Variants in SRRM2 observed in about 807,000 individuals in gnomAD.
SRRM2 encodes serine/arginine repetitive matrix 2.
A neutral mutation model predicts 213.8 loss-of-function variants in SRRM2; 30 were observed. The ratio of observed to expected loss-of-function variants is 0.14; its 90% CI spans 0.10 to 0.19. The LOEUF (loss-of-function observed/expected upper bound fraction) is 0.19. SRRM2 is among the 10% of genes least tolerant of loss of function. The probability of loss-of-function intolerance (pLI) is 1.00; values close to 1 mark genes in which losing one functional copy is unlikely to be tolerated. For missense variants in SRRM2, 4,904 were observed against 3,647.0 expected (o/e 1.34, Z -8.88); for synonymous variants, 2,025 against 1,377.7 (o/e 1.47, Z -10.40).
In SRRM2 at chr16:2,767,768, C is replaced by T. The variant is rs1473373437; in HGVS notation, c.7240C>T (p.Pro2414Ser). 1 of 1,613,806 alleles carries T rather than the reference C, an allele frequency of 6.2e-7. No individual in the cohort carries two copies. The highest frequency in any genetic ancestry group is 1.7e-5 in the Admixed American group (1 of 59,974). Residue 2414 changes from proline (P) to serine (S), a missense_variant, in exon 11 of 15, where the codon CCA becomes TCA. By Grantham distance (74) the Pro-to-Ser change is moderately conservative. Coordinates refer to ENST00000301740, the MANE Select transcript of SRRM2 (RefSeq NM_016333.4). Reference sequence around the variant, plus strand: ...TAGGTCCAGAACACCACCGTCTGCCCCAAGCCAATCTAGGATGACCTCTGA... The same window carrying T: ...TAGGTCCAGAACACCACCGTCTGCCTCAAGCCAATCTAGGATGACCTCTGA... The part of the protein sequence containing the change: ...RARSRTPPSA[P>S]SQSRMTSERA...
chr16:2,763,766 C>A lies in SRRM2; in HGVS notation c.3238C>A (p.His1080Asn). 6.2e-7 allele frequency: 1 copy of A among 1,614,166 alleles called. No homozygotes were observed. The highest frequency in any genetic ancestry group is 1.1e-5 in the South Asian group (1 of 91,056). Reference sequence around the variant, plus strand: ...TTCAAGTCCAGAAGTGAGACAGAGTCATTCAGAATCACCATCTCTGCAGAG... The same window carrying A: ...TTCAAGTCCAGAAGTGAGACAGAGTAATTCAGAATCACCATCTCTGCAGAG... ...DTSSPEVRQS[H>N]SESPSLQSKS... The change falls in exon 11 of 15, where the codon CAT becomes AAT. Residue 1080 changes from histidine (H) to asparagine (N), a missense_variant. Coordinates refer to ENST00000301740, the MANE Select transcript of SRRM2 (RefSeq NM_016333.4).
In SRRM2 at chr16:2,766,243, A is replaced by G. The variant is rs1405450617; in HGVS notation, c.5715A>G (p.Ser1905=). The G allele has an allele frequency of 1.9e-6, 3 of 1,614,058 alleles. No homozygotes were observed. Among genetic ancestry groups the G allele is most frequent in the African/African-American group, 1.3e-5 (1 of 74,918 alleles). The change falls in exon 11 of 15, where the codon TCA becomes TCG. Residue 1905 remains serine (S), a synonymous_variant. Transcript: ENST00000301740. This position sits in a 1 kb window ranked among gnomAD's most constrained non-coding sequence, Gnocchi z 7.0. ...VSRRRSRSRT[S]VTRRRSRSRA... is the part of the protein sequence containing the mutation. Reference sequence around the variant, plus strand: ...GGAGACGGTCAAGGTCCAGGACTTCAGTGACTCGACGAAGATCCCGGTCAA... The same window carrying G: ...GGAGACGGTCAAGGTCCAGGACTTCGGTGACTCGACGAAGATCCCGGTCAA...
rs1455404504 is a variant in SRRM2 at position 2,770,618 on chromosome 16, G to A, written c.8150G>A (p.Arg2717Gln). The change falls in exon 14 of 15, where the codon CGG becomes CAG. Residue 2717 changes from arginine to glutamine, a missense_variant. By Grantham distance (43) the Arg-to-Gln change is conservative. Transcript: ENST00000301740. ...PRDQQSSSSE[R>Q]GSRRGQRGDS... ...CTGTGTTGCAGCAGCAGCAGTGAGC[G>A]GGGTTCCCGGAGAGGCCAGCGTGGG... 36 of 1,552,798 alleles carry A rather than the reference G, an allele frequency of 2.3e-5. No individual in the cohort carries two copies. Among genetic ancestry groups the A allele is most frequent in the Middle Eastern group, 1.7e-4 (1 of 6,016 alleles).
chr16:2,753,445 T>A (rs1360332442), intron 1 of SRRM2: 1 of 152,262 alleles, frequency 6.6e-6, no homozygotes, highest in East Asian at 1.9e-4. Flanking sequence ...TATCAGCCTT[T>A]GAGTTGTTAG....
rs183871662 is a variant in SRRM2, at chr16:2,757,762, T to A, written c.351-19T>A. 1,283 of 1,612,134 alleles carry A rather than the reference T, an allele frequency of 8.0e-4. 2 individuals carry two copies. The highest frequency in any genetic ancestry group is 8.9e-4 in the Non-Finnish European group (1,050 of 1,178,810). On this transcript the variant is annotated intron_variant, in intron 3 of 14. Coordinates refer to ENST00000301740, the MANE Select transcript of SRRM2 (RefSeq NM_016333.4). ...TGTCCTTTATATTTCCTTCAGACTTTTGCCCTTCTTTTCTCTAGGGTCACG... is the reference window on the plus strand; with the variant it reads ...TGTCCTTTATATTTCCTTCAGACTTATGCCCTTCTTTTCTCTAGGGTCACG...
At chr16:2,770,096 C>A in intron 12 of SRRM2, 1 of 1,370,842 alleles carries the variant, frequency 7.3e-7, no homozygotes, top group Non-Finnish European at 9.5e-7. Context: ...GCCGTGCGTG[C>A]CTTTCTTCAC....
intron 1 of SRRM2, among the ~76,000 whole-genome samples, 197 bp downstream of exon 1, chr16:2,753,043 C>CCG (rs1555458563): frequency 2.6e-5 from 4 of 151,000 alleles, no homozygotes; most frequent in African/African-American, 9.6e-5. Flanking sequence ...TTCACCCCCC[C>CCG]CCGCCCCTCC....
Position 2,763,517 on chromosome 16 carries a change from C to T in SRRM2, c.2989C>T (p.Pro997Ser). ...QSHSGSISPY[P>S]KVKAQTPPGP... ...TCACTCAGGGTCTATTTCACCATAC[C>T]CCAAAGTAAAGGCCCAAACTCCACC... The change falls in exon 11 of 15, where the codon CCC becomes TCC. Residue 997 changes from proline (P) to serine (S), a missense_variant. Physicochemically the swap from Pro to Ser is moderately conservative, Grantham distance 74 (BLOSUM62 -1). Coordinates refer to ENST00000301740, the MANE Select transcript of SRRM2 (RefSeq NM_016333.4). 5 of 1,614,092 alleles carry T rather than the reference C, an allele frequency of 3.1e-6. No homozygotes were observed. The highest frequency in any genetic ancestry group is 4.2e-6 in the Non-Finnish European group (5 of 1,180,020).
chr16:2,760,131 A>G (rs1378716167), intron 9 of SRRM2, 170 bp from the exon 10 acceptor site: 4 of 673,496 alleles, frequency 5.9e-6, no homozygotes, highest in Non-Finnish European at 5.1e-6. Flanking sequence ...AAGAAGAACC[A>G]AAGTGGACTG....
rs2068295355 is a variant in SRRM2, at chr16:2,760,341, G to T, written c.874G>T (p.Ala292Ser). 1.9e-6 allele frequency: 3 copies of T among 1,613,992 alleles called. No homozygotes were observed. Among genetic ancestry groups the T allele is most frequent in the Non-Finnish European group, 2.5e-6 (3 of 1,180,020 alleles). Residue 292 changes from alanine (A) to serine (S), a missense_variant, in exon 10 of 15, where the codon GCT becomes TCT. Physicochemically the swap from Ala to Ser is moderately conservative, Grantham distance 99 (BLOSUM62 1). Transcript: ENST00000301740. ...AAAKTHTTAL[A>S]GRSPSPASGR... ...AGCTAAAACTCATACAACTGCCTTGGCTGGGCGAAGTCCTTCCCCTGCTTC... is the reference window on the plus strand; with the variant it reads ...AGCTAAAACTCATACAACTGCCTTGTCTGGGCGAAGTCCTTCCCCTGCTTC...
Position 2,766,428 on chromosome 16 carries a change from G to A in SRRM2, c.5900G>A (p.Arg1967Lys). 6.2e-7 allele frequency: 1 copy of A among 1,613,972 alleles called. No homozygotes were observed. Among genetic ancestry groups the A allele is most frequent in the Non-Finnish European group, 8.5e-7 (1 of 1,180,006 alleles). Residue 1967 changes from arginine (R) to lysine (K), a missense_variant, in exon 11 of 15, where the codon AGG (arginine) becomes AAG (lysine). Coordinates refer to ENST00000301740, the MANE Select transcript of SRRM2 (RefSeq NM_016333.4). This position sits in a 1 kb window ranked among gnomAD's most constrained non-coding sequence, Gnocchi z 7.0. ...RSRSRTPPVT[R>K]RRSRSRTSPI... Reference sequence around the variant, plus strand: ...AGATCCAGGACTCCACCAGTAACCAGGAGGCGATCTCGAAGCAGAACTTCG... The same window carrying A: ...AGATCCAGGACTCCACCAGTAACCAAGAGGCGATCTCGAAGCAGAACTTCG...
rs1468571316 is a variant in SRRM2, at chr16:2,756,570, G to A, written c.206G>A (p.Arg69Gln). The A allele has an allele frequency of 2.5e-6, 4 of 1,613,934 alleles. No individual in the cohort carries two copies. The highest frequency in any genetic ancestry group is 2.2e-5 in the East Asian group (1 of 44,880). Residue 69 changes from arginine to glutamine, a missense_variant, in exon 2 of 15, where the codon CGA becomes CAA. By Grantham distance (43) the Arg-to-Gln change is conservative. Coordinates refer to ENST00000301740, the MANE Select transcript of SRRM2 (RefSeq NM_016333.4). ...GAGCGCAAGCGGCGCGTCGAGCTGC[G>A]ATGCCTCGAGCTGGAGGAGATGATG... ...DHERKRRVEL[R>Q]CLELEEMMEE...
Position 2,764,842 on chromosome 16 carries a change from A to G in SRRM2, c.4314A>G (p.Arg1438=), listed in dbSNP as rs1157103758. ...KDGLPRTPSR[R]SRSGSSPGLR... ...GTTTACCCAGAACTCCATCAAGGAG[A>G]AGCAGGTCTGGGTCTTCTCCAGGAC... The change falls in exon 11 of 15, where the codon AGA becomes AGG. Residue 1438 remains arginine, a synonymous_variant. Coordinates refer to ENST00000301740, the MANE Select transcript of SRRM2 (RefSeq NM_016333.4). 6.2e-7 allele frequency: 1 copy of G among 1,614,174 alleles called. No homozygotes were observed. Among genetic ancestry groups the G allele is most frequent in the East Asian group, 2.2e-5 (1 of 44,888 alleles).
chr16:2,767,955 C>T lies in SRRM2; in HGVS notation c.7427C>T (p.Ser2476Phe), dbSNP rs776477143. 31 of 1,614,080 alleles carry T rather than the reference C, an allele frequency of 1.9e-5. No individual in the cohort carries two copies. The highest frequency in any genetic ancestry group is 2.4e-5 in the Non-Finnish European group (28 of 1,180,044). The stretch of plus-strand genomic sequence containing the variant: ...CCTGTAGCAGGGTCTCAGTCCCTTT[C>T]CTCTGGGGCAGTGGCAACGACCACG... ...TTPVAGSQSLSSGAVATTTSS... is the reference protein window; with the variant it reads ...TTPVAGSQSLFSGAVATTTSS... Residue 2476 changes from serine to phenylalanine, a missense_variant, in exon 11 of 15, where the codon TCC (serine) becomes TTC (phenylalanine). Transcript: ENST00000301740.
Position 2,766,477 on chromosome 16 carries a change from A to C in SRRM2, c.5949A>C (p.Arg1983Ser). The C allele has an allele frequency of 6.2e-7, 1 of 1,614,018 alleles. No individual in the cohort carries two copies. The highest frequency in any genetic ancestry group is 8.5e-7 in the Non-Finnish European group (1 of 1,180,018). The part of the protein sequence containing the change: ...RTSPITRRRS[R>S]SRTSPVTRRR... ...CGCCTATCACTCGCAGAAGATCAAG[A>C]TCCAGAACATCTCCGGTCACCCGAA... Residue 1983 changes from arginine to serine, a missense_variant, in exon 11 of 15, where the codon AGA (arginine) becomes AGC (serine). By Grantham distance (110) the Arg-to-Ser change is moderately radical (BLOSUM62 -1). Transcript: ENST00000301740. The surrounding 1 kb of genome is among the most constrained non-coding windows in gnomAD (Gnocchi z 7.0).
rs1318502246 is a variant in SRRM2 at position 2,766,835 on chromosome 16, C to G, written c.6307C>G (p.Arg2103Gly). 1 of 1,614,190 alleles carries G rather than the reference C, an allele frequency of 6.2e-7. No individual in the cohort carries two copies. Among genetic ancestry groups the G allele is most frequent in the Non-Finnish European group, 8.5e-7 (1 of 1,180,036 alleles). ...PPATRNHSGS[R>G]TPPVALNSSR... The stretch of plus-strand genomic sequence containing the variant: ...AGCAACAAGAAATCATTCTGGTTCA[C>G]GGACACCTCCAGTAGCACTCAACAG... Residue 2103 changes from arginine (R) to glycine (G), a missense_variant, in exon 11 of 15, where the codon CGG (arginine) becomes GGG (glycine). By Grantham distance (125) the Arg-to-Gly change is moderately radical. Transcript: ENST00000301740. The surrounding 1 kb of genome is among the most constrained non-coding windows in gnomAD (Gnocchi z 7.0).
chr16:2,762,486 C>T lies in SRRM2; in HGVS notation c.1958C>T (p.Ala653Val). 6.2e-7 allele frequency: 1 copy of T among 1,613,556 alleles called. No homozygotes were observed. The highest frequency in any genetic ancestry group is 1.3e-5 in the African/African-American group (1 of 74,884). The change falls in exon 11 of 15, where the codon GCT becomes GTT. Residue 653 changes from alanine to valine, a missense_variant. Physicochemically the swap from Ala to Val is moderately conservative, Grantham distance 64 (BLOSUM62 0). Transcript: ENST00000301740. The part of the protein sequence containing the change: ...RSGRSRSRTP[A>V]RRGRSRSRTP... ...GGCAGGTCACGCTCTAGAACCCCAGCTAGACGTGGCCGCTCACGCTCCAGA... is the reference window on the plus strand; with the variant it reads ...GGCAGGTCACGCTCTAGAACCCCAGTTAGACGTGGCCGCTCACGCTCCAGA...
chr16:2,754,858 T>TTA (rs2068085230), intron 1 of SRRM2, among the ~76,000 whole-genome samples: 1 of 152,212 alleles, frequency 6.6e-6, no homozygotes, highest in South Asian at 2.1e-4. Flanking sequence ...TCTGCTTGCC[T>TTA]TATCCAGGTT....
intron 2 of SRRM2, 98 bp from the exon 3 acceptor site, chr16:2,757,374 G>GGA: frequency 1.0e-6 from 1 of 1,004,374 alleles, no homozygotes; most frequent in Non-Finnish European, 1.5e-6. Context: ...GTGTGCGCAT[G>GGA]GAGAGGGAGG....
Sources: gnomAD v4.1 joint callset for allele counts (sites outside exome capture counted in the v4.1 genomes callset) on GRCh38, gnomAD v4.1.1 for gene constraint, Gnocchi (gnomAD v3.1) non-coding constraint, MANE v1.5 for transcripts, NCBI Gene and HGNC (gene_info 2026-07-23, HGNC 2026-07-21) for gene names.